The following PRKAA2 variants were observed in gnomAD, a reference collection of about 807,000 sequenced individuals.
The protein encoded by PRKAA2 is 5'-AMP-activated protein kinase catalytic subunit alpha-2.
In PRKAA2, 40 loss-of-function variants were observed where a neutral mutation model predicts 56.3. That is an observed-to-expected ratio of 0.71 (90% CI 0.55 to 0.92). PRKAA2 has a LOEUF of 0.92. Among genes scored for constraint, PRKAA2 ranks in the 40% least tolerant of loss-of-function variants. The pLI, the probability that PRKAA2 is intolerant of heterozygous loss-of-function variation, is 0.00. For synonymous variants in PRKAA2, 214 were observed against 234.2 expected, an observed-to-expected ratio of 0.91 and a Z score of 0.79; for missense variants, 542 against 686.9, an observed-to-expected ratio of 0.79 and a Z score of 2.36.
chr1:56,679,488 G>GT (rs1207177316), intron 2 of PRKAA2, among the ~76,000 whole-genome samples: 5 of 152,114 alleles, frequency 3.3e-5, no homozygotes, highest in Admixed American at 3.3e-4. Context: ...CATTCATGCA[G>GT]TTTCCCAAGC....
At position 56,696,057 on chromosome 1, in the gene PRKAA2, G is replaced by T; in HGVS notation, c.686G>T (p.Gly229Val). The change falls in exon 6 of 9, where the codon GGT becomes GTT. Residue 229 changes from glycine to valine, a missense_variant. This residue lies in a region of PRKAA2 where 198 missense variants were observed against 234.0 expected (regional missense o/e 0.85). Transcript: ENST00000371244. ...ACGTTATTTAAGAAGATCCGAGGGG[G>T]TGTCTTTTATATCCCAGAATATCTC... ...VPTLFKKIRG[G>V]VFYIPEYLNR... 1 of 1,612,926 alleles carries T rather than the reference G, an allele frequency of 6.2e-7. No homozygotes were observed. The highest frequency in any genetic ancestry group is 8.5e-7 in the Non-Finnish European group (1 of 1,179,800).
intron 2 of PRKAA2, among the ~76,000 whole-genome samples, chr1:56,685,046 A>G (rs945266041): frequency 1.3e-5 from 2 of 152,168 alleles, no homozygotes; most frequent in Non-Finnish European, 2.9e-5. Flanking sequence ...GTATATGACC[A>G]TGGAGTGGTT....
intron 8 of PRKAA2, among the ~76,000 whole-genome samples, chr1:56,706,937 C>G (rs1167669655): frequency 1.3e-5 from 2 of 152,102 alleles, no homozygotes; most frequent in Non-Finnish European, 2.9e-5. Context: ...GATCCCAGAC[C>G]TGTTTCATCG....
chr1:56,672,643 G>GT (rs889960838), intron 1 of PRKAA2, among the ~76,000 whole-genome samples: 1 of 152,148 alleles, frequency 6.6e-6, no homozygotes, highest in Non-Finnish European at 1.5e-5. Context: ...CTGAGAGTTA[G>GT]TAGGAGAAAC....
chr1:56,697,048 C>T (rs889670702), intron 6 of PRKAA2, among the ~76,000 whole-genome samples: 9 of 69,854 alleles, frequency 1.3e-4, no homozygotes, highest in Admixed American at 6.9e-4. Context: ...CTCACTCTGT[C>T]GCCCAGGCTG....
chr1:56,660,299 G>A (rs1643983878), intron 1 of PRKAA2, among the ~76,000 whole-genome samples: 1 of 152,192 alleles, frequency 6.6e-6, no homozygotes, highest in African/African-American at 2.4e-5. Context: ...GGATGTACAA[G>A]TTCATTCTCT....
chr1:56,712,859 C>G lies in PRKAA2; in HGVS notation c.*5146C>G, dbSNP rs1644377997. ...AGCACAAGACTGTCTCAAAAAAAAA[C>G]AAAAAAAGGAAAAAGAAAACTAGCC... is the stretch of plus-strand genomic sequence containing the variant. On this transcript the variant is annotated 3_prime_UTR_variant, in exon 9 of 9. Transcript: ENST00000371244. 1 of 151,000 alleles carries G rather than the reference C, an allele frequency of 6.6e-6. No homozygotes were observed. The highest frequency in any genetic ancestry group is 1.5e-5 in the Non-Finnish European group (1 of 67,744). 9.4% of individuals were successfully genotyped at this position (151,000 alleles called of 1,614,324 possible).
chr1:56,647,191 G>A (rs1203572871), intron 1 of PRKAA2, among the ~76,000 whole-genome samples: 5 of 152,184 alleles, frequency 3.3e-5, no homozygotes, highest in Non-Finnish European at 7.3e-5. Flanking sequence ...TATTTAAGAT[G>A]AATACAGGAC....
chr1:56,692,518 G>A lies in PRKAA2; in HGVS notation c.475+16G>A. On this transcript the variant is annotated intron_variant, in intron 4 of 8. Coordinates refer to ENST00000371244, the MANE Select transcript of PRKAA2 (RefSeq NM_006252.4). ...GCCGATTTCGGTATGTAACTCCAGG[G>A]TTGTTCAGAAAGGTACTAGCTACCT... 6.2e-7 allele frequency: 1 copy of A among 1,611,708 alleles called. No homozygotes were observed. The highest frequency in any genetic ancestry group is 8.5e-7 in the Non-Finnish European group (1 of 1,178,956).
chr1:56,649,173 A>C (rs1410446519), intron 1 of PRKAA2, among the ~76,000 whole-genome samples: 2 of 152,118 alleles, frequency 1.3e-5, no homozygotes, highest in Non-Finnish European at 2.9e-5. Context: ...TCTTGTAAAT[A>C]TTTTATTATT....
chr1:56,648,848 G>A (rs1290972225), intron 1 of PRKAA2, among the ~76,000 whole-genome samples: 1 of 152,128 alleles, frequency 6.6e-6, no homozygotes, highest in East Asian at 1.9e-4. Context: ...AGTCATTTAT[G>A]TATTTTCATT....
At chr1:56,686,306 C>A (rs2100418132) in intron 2 of PRKAA2, among the ~76,000 whole-genome samples, 1 of 152,284 alleles carries the variant, frequency 6.6e-6, no homozygotes, top group Non-Finnish European at 1.5e-5. Flanking sequence ...CTTTGGAAAA[C>A]TGTCTTTGGT....
At chr1:56,650,422 A>T (rs533563459) in intron 1 of PRKAA2, among the ~76,000 whole-genome samples, 9 of 152,222 alleles carry the variant, frequency 5.9e-5, no homozygotes, top group African/African-American at 2.2e-4. Context: ...TTAGGCTCTC[A>T]CTCTGGGTAG....
At chr1:56,707,397 C>A in intron 8 of PRKAA2, 78 bp from the exon 9 acceptor site, 1 of 1,202,010 alleles carries the variant, frequency 8.3e-7, no homozygotes, top group Non-Finnish European at 1.2e-6. Flanking sequence ...ACTTAATATT[C>A]TGAATATCAT....
chr1:56,713,992 ATGT>A lies in PRKAA2; in HGVS notation c.*6284_*6286del, dbSNP rs1397141342. 7 of 151,928 alleles carry A rather than the reference ATGT, an allele frequency of 4.6e-5. No homozygotes were observed. Among genetic ancestry groups the A allele is most frequent in the Non-Finnish European group, 1.0e-4 (7 of 67,972 alleles). The allele number at this position is 151,928 out of a possible 1,614,324, so 9.4% of individuals were successfully genotyped here. A position where few individuals can be genotyped will look rare whatever the true frequency, so the allele number is the denominator to read the frequency against. ...TTAGATCTGCCTCCTACAAATGATC[ATGT>A]TGTTTGCATCTGCCTGATTGAGTTC... is the stretch of plus-strand genomic sequence containing the variant. On this transcript the variant is annotated 3_prime_UTR_variant, in exon 9 of 9. Transcript: ENST00000371244.
chr1:56,701,036 G>C (rs947624873), intron 6 of PRKAA2, among the ~76,000 whole-genome samples: 2 of 152,050 alleles, frequency 1.3e-5, no homozygotes, highest in Admixed American at 6.6e-5. Flanking sequence ...TAATTTCCAG[G>C]GTTCTGAAAA....
chr1:56,704,980 A>G (rs1644321954), intron 7 of PRKAA2, among the ~76,000 whole-genome samples: 1 of 152,118 alleles, frequency 6.6e-6, no homozygotes, highest in Non-Finnish European at 1.5e-5. Context: ...TACTTAGAGT[A>G]CATTTTCCTT....
rs1644362354 is a variant in PRKAA2 at position 56,710,435 on chromosome 1, G to A, written c.*2722G>A. 1 of 152,054 alleles carries A rather than the reference G, an allele frequency of 6.6e-6. No homozygotes were observed. Among genetic ancestry groups the A allele is most frequent in the Non-Finnish European group, 1.5e-5 (1 of 67,952 alleles). 9.4% of individuals were successfully genotyped at this position (152,054 alleles called of 1,614,324 possible). A position where few individuals can be genotyped will look rare whatever the true frequency, so the allele number is the denominator to read the frequency against. On this transcript the variant is annotated 3_prime_UTR_variant, in exon 9 of 9. Transcript: ENST00000371244. ...AAAAAGAAAGCCACATAACTTTGTT[G>A]AACTTTGCCCAAATTAATTTTTCAT...
At chr1:56,706,879 A>C (rs1276763332) in intron 8 of PRKAA2, among the ~76,000 whole-genome samples, 1 of 152,162 alleles carries the variant, frequency 6.6e-6, no homozygotes, top group Non-Finnish European at 1.5e-5. Flanking sequence ...GAAGCATTTA[A>C]ATTTTACTCT....
Sources: allele counts gnomAD v4.1 joint callset (sites outside exome capture counted in the v4.1 genomes callset), GRCh38; gene constraint gnomAD v4.1.1; regional missense constraint gnomAD v4.1.1; transcripts MANE v1.5; gene names NCBI Gene and HGNC (gene_info 2026-07-23, HGNC 2026-07-21).